The following TMEM135 variants were observed in gnomAD, a reference collection of about 807,000 sequenced individuals.
The protein encoded by TMEM135 is peroxisomal membrane protein 52.
TMEM135 carries 30 observed loss-of-function variants against 60.3 expected under a neutral mutation model. That is an observed-to-expected ratio of 0.50 (90% CI 0.37 to 0.68). The LOEUF (loss-of-function observed/expected upper bound fraction) is 0.68, where lower values mean the gene tolerates loss of function less well. TMEM135 is among the 30% of genes least tolerant of loss of function. TMEM135 has a pLI of 0.00. For missense variants in TMEM135, 468 were observed against 548.8 expected (o/e 0.85, Z 1.47); for synonymous variants, 190 against 186.7 (o/e 1.02, Z -0.14).
At chr11:87,093,521 T>A (rs1158978706) in intron 4 of TMEM135, among the ~76,000 whole-genome samples, 3 of 151,820 alleles carry the variant, frequency 2.0e-5, no homozygotes, top group Admixed American at 6.6e-5. Context: ...AATTTACTTG[T>A]TGTTTTTATT....
chr11:87,128,256 T>C (rs531819684), intron 4 of TMEM135, among the ~76,000 whole-genome samples: 5 of 152,204 alleles, frequency 3.3e-5, no homozygotes, highest in Non-Finnish European at 7.4e-5. Context: ...TGTATATGCA[T>C]GTATGTTAGC....
intron 5 of TMEM135, among the ~76,000 whole-genome samples, chr11:87,159,617 A>ACACACACACACACACACACACACACCCC (rs140303858): frequency 6.7e-6 from 1 of 149,344 alleles, no homozygotes; most frequent in Non-Finnish European, 1.5e-5. Context: ...ACACACACAC[A>ACACACACACACACACACACACACACCCC]CCATAGATTT....
intron 5 of TMEM135, among the ~76,000 whole-genome samples, chr11:87,202,242 T>G: frequency 6.6e-6 from 1 of 151,248 alleles, no homozygotes; most frequent in Non-Finnish European, 1.5e-5. Flanking sequence ...GCCAGGCTGG[T>G]CTCAAACTCC....
At chr11:87,055,211 A>G (rs1338682944) in intron 1 of TMEM135, among the ~76,000 whole-genome samples, 1 of 152,228 alleles carries the variant, frequency 6.6e-6, no homozygotes, top group Non-Finnish European at 1.5e-5. Flanking sequence ...TGAAATGCAC[A>G]TATATTAGGT....
intron 4 of TMEM135, among the ~76,000 whole-genome samples, chr11:87,126,027 C>T (rs761266581): frequency 9.9e-5 from 15 of 152,080 alleles, no homozygotes; most frequent in Non-Finnish European, 2.2e-4. Context: ...TGTTTGTTTT[C>T]AACAGTGATA....
intron 6 of TMEM135, among the ~76,000 whole-genome samples, chr11:87,268,828 G>C (rs1465154110): frequency 6.6e-6 from 1 of 152,096 alleles, no homozygotes; most frequent in Non-Finnish European, 1.5e-5. Flanking sequence ...ATTTAAGCTG[G>C]ATTTCAGCTG....
intron 5 of TMEM135, among the ~76,000 whole-genome samples, chr11:87,205,274 A>T (rs911546866): frequency 1.1e-4 from 17 of 152,308 alleles, no homozygotes; most frequent in African/African-American, 3.8e-4. Flanking sequence ...CTGAGATTAG[A>T]TTAGATAGGG....
At chr11:87,223,663 GCACGCACA>G (rs1215708882) in intron 5 of TMEM135, among the ~76,000 whole-genome samples, 50 of 130,942 alleles carry the variant, frequency 3.8e-4, no homozygotes, top group African/African-American at 5.7e-4. Context: ...ATACGCACAT[GCACGCACA>G]CACACACACA....
At chr11:87,085,700 T>A (rs962373009) in intron 3 of TMEM135, among the ~76,000 whole-genome samples, 3 of 152,136 alleles carry the variant, frequency 2.0e-5, no homozygotes, top group African/African-American at 7.2e-5. Context: ...GAAGTTTCAG[T>A]GAGCCAAGAT....
At chr11:87,067,950 A>G (rs1358369937) in intron 2 of TMEM135, 129 bp downstream of exon 2, 9 of 1,135,822 alleles carry the variant, frequency 7.9e-6, no homozygotes, top group Non-Finnish European at 1.0e-5. Context: ...GTGAAGTGAC[A>G]TTTATGTCAA....
chr11:87,263,843 T>G (rs746796500), intron 6 of TMEM135, among the ~76,000 whole-genome samples: 1 of 152,082 alleles, frequency 6.6e-6, no homozygotes, highest in East Asian at 1.9e-4. Context: ...TCAAATACCA[T>G]TAATTATTTT....
intron 3 of TMEM135, among the ~76,000 whole-genome samples, chr11:87,090,540 T>A (rs575187794): frequency 6.6e-6 from 1 of 152,124 alleles, no homozygotes; most frequent in East Asian, 1.9e-4. Context: ...TTTCTTTGAG[T>A]ACTGAAAATG....
chr11:87,118,562 C>T (rs1162351289), intron 4 of TMEM135, among the ~76,000 whole-genome samples: 3 of 151,996 alleles, frequency 2.0e-5, no homozygotes, highest in African/African-American at 4.8e-5. Context: ...GATCCTCCTG[C>T]CTTAGCCTCC....
At chr11:87,061,876 C>T (rs1031491245) in intron 1 of TMEM135, among the ~76,000 whole-genome samples, 1 of 152,180 alleles carries the variant, frequency 6.6e-6, no homozygotes, top group Admixed American at 6.5e-5. Context: ...TTGTATCACT[C>T]TTCAGTCTGT....
intron 4 of TMEM135, among the ~76,000 whole-genome samples, chr11:87,134,316 C>T (rs116216491): frequency 1.1e-3 from 165 of 152,210 alleles, no homozygotes; most frequent in African/African-American, 3.7e-3. Flanking sequence ...TAAAGGAGCT[C>T]GTTTTAACTT....
At chr11:87,167,692 G>T (rs955252788) in intron 5 of TMEM135, among the ~76,000 whole-genome samples, 1 of 152,008 alleles carries the variant, frequency 6.6e-6, no homozygotes, top group African/African-American at 2.4e-5. Context: ...TTTTGATGTG[G>T]TGCTGGATTT....
intron 5 of TMEM135, chr11:87,157,828 G>A (rs1938743464): frequency 6.3e-6 from 1 of 157,796 alleles, no homozygotes; most frequent in Admixed American, 6.3e-5. Context: ...GGGAGAGGGA[G>A]AGGGAGAAAA....
At chr11:87,223,258 G>A (rs1940686386) in intron 5 of TMEM135, among the ~76,000 whole-genome samples, 2 of 149,110 alleles carry the variant, frequency 1.3e-5, no homozygotes, top group Admixed American at 1.4e-4. Flanking sequence ...TCTGCCTCCC[G>A]GGTTCATGCT....
chr11:87,299,959 G>A (rs1322846211), intron 7 of TMEM135, among the ~76,000 whole-genome samples: 1 of 152,150 alleles, frequency 6.6e-6, no homozygotes, highest in Non-Finnish European at 1.5e-5. Context: ...GGGAATGAGA[G>A]AGTGGAAGGA....
Sources: allele counts gnomAD v4.1 joint callset (sites outside exome capture counted in the v4.1 genomes callset), GRCh38; gene constraint gnomAD v4.1.1; transcripts MANE v1.5; gene names NCBI Gene and HGNC (gene_info 2026-07-23, HGNC 2026-07-21).